Variants in MYBBP1A observed in about 807,000 individuals in gnomAD.
MYBBP1A encodes myb-binding protein 1A.
In MYBBP1A, 147 loss-of-function variants were observed where a neutral mutation model predicts 136.3. The observed-to-expected ratio is 1.08, with a 90% CI of 0.94 to 1.24. MYBBP1A has a LOEUF of 1.24. MYBBP1A is among the 50% of genes most tolerant of loss of function. The probability of loss-of-function intolerance (pLI) is 0.00; values close to 1 mark genes in which losing one functional copy is unlikely to be tolerated. For missense variants in MYBBP1A, 2,060 were observed against 1,727.4 expected (o/e 1.19, Z -3.41); for synonymous variants, 947 against 735.8 (o/e 1.29, Z -4.65).
intron 23 of MYBBP1A, 95 bp downstream of exon 23, chr17:4,541,688 TG>T: frequency 6.9e-7 from 1 of 1,440,702 alleles, no homozygotes; most frequent in Non-Finnish European, 9.7e-7. Flanking sequence ...CTCCCGACTC[TG>T]GACTCAGGCT....
At position 4,540,411 on chromosome 17, in the gene MYBBP1A, T is replaced by C. The variant is rs530548606; in HGVS notation, c.3371A>G (p.His1124Arg). Reference protein sequence around the residue: ...GQQQSLQQGAHSTGSSRLHDL... With the variant: ...GQQQSLQQGARSTGSSRLHDL... ...GTGCAGGCGGCTGGAGCCGGTGGAGTGTGCCCCCTGCTGTAGGCTCTGCTG... is the reference window on the plus strand; with the variant it reads ...GTGCAGGCGGCTGGAGCCGGTGGAGCGTGCCCCCTGCTGTAGGCTCTGCTG... Residue 1124 changes from histidine (H) to arginine (R), a missense_variant, in exon 25 of 26, where the codon CAC becomes CGC. By Grantham distance (29) the His-to-Arg change is conservative. Transcript: ENST00000254718. 11 of 1,610,362 alleles carry C rather than the reference T, an allele frequency of 6.8e-6. No individual in the cohort carries two copies. Among genetic ancestry groups the C allele is most frequent in the African/African-American group, 1.3e-5 (1 of 74,806 alleles).
intron 25 of MYBBP1A, 128 bp downstream of exon 25, chr17:4,540,220 G>A (rs541670408): frequency 3.1e-6 from 4 of 1,299,700 alleles, no homozygotes; most frequent in Non-Finnish European, 4.1e-6. Flanking sequence ...TTGAGTGCAT[G>A]TGTGTGCAGC....
chr17:4,554,921 GAT>G lies in MYBBP1A; in HGVS notation c.232_233del (p.Ile78HisfsTer26). The G allele has an allele frequency of 6.2e-7, 1 of 1,613,562 alleles. No homozygotes were observed. The highest frequency in any genetic ancestry group is 1.1e-5 in the South Asian group (1 of 91,084). ...SEMKYALKRL[I>X]TGLGVGRETA... ...TTTCTCGCCCGACCCCGAGTCCCGT[GAT>G]TAGACGCTTCAGGGCATATTTCATC... On this transcript the variant is annotated frameshift_variant, in exon 2 of 26. Transcript: ENST00000254718. LOFTEE classifies it high-confidence loss of function.
chr17:4,548,062 G>C lies in MYBBP1A; in HGVS notation c.1725-5C>G. 6.3e-7 allele frequency: 1 copy of C among 1,583,410 alleles called. No individual in the cohort carries two copies. Among genetic ancestry groups the C allele is most frequent in the Non-Finnish European group, 8.6e-7 (1 of 1,166,174 alleles). On this transcript the variant is annotated splice_polypyrimidine_tract_variant and splice_region_variant and intron_variant, in intron 12 of 25. Coordinates refer to ENST00000254718, the MANE Select transcript of MYBBP1A (RefSeq NM_014520.4). The surrounding 1 kb of genome is among the most constrained non-coding windows in gnomAD (Gnocchi z 4.2). Reference sequence around the variant, plus strand: ...TCCTTCAGAGTCTGCAGCATCCTGCGGGGAGACAGGCGATTCCCAGGCCCC... The same window carrying C: ...TCCTTCAGAGTCTGCAGCATCCTGCCGGGAGACAGGCGATTCCCAGGCCCC...
chr17:4,554,729 C>T (rs1907869814), intron 2 of MYBBP1A, 132 bp downstream of exon 2: 3 of 824,268 alleles, frequency 3.6e-6, no homozygotes, highest in Non-Finnish European at 5.7e-6. Context: ...GGTTGGCCTC[C>T]AGTCTGCTCT....
Position 4,550,277 on chromosome 17 carries a change from G to A in MYBBP1A, c.1100C>T (p.Pro367Leu), listed in dbSNP as rs746146051. The A allele has an allele frequency of 1.9e-6, 3 of 1,613,568 alleles. No individual in the cohort carries two copies. The highest frequency in any genetic ancestry group is 1.7e-6 in the Non-Finnish European group (2 of 1,180,020). Residue 367 changes from proline (P) to leucine (L), a missense_variant, in exon 9 of 26, where the codon CCT (proline) becomes CTT (leucine). Coordinates refer to ENST00000254718, the MANE Select transcript of MYBBP1A (RefSeq NM_014520.4). ...GTFLEGCQDD[P>L]ERQLAVLVAF... ...CACTAGCACGGCCAGCTGCCGCTCA[G>A]GGTCATCCTGGCACCCCTCTAGGAA...
chr17:4,539,520 C>T lies in MYBBP1A; in HGVS notation c.3882G>A (p.Ala1294=), dbSNP rs773642831. 1.9e-5 allele frequency: 30 copies of T among 1,613,978 alleles called. No homozygotes were observed. Among genetic ancestry groups the T allele is most frequent in the African/African-American group, 2.7e-5 (2 of 74,878 alleles). ...KGVLGKSPLS[A]LARKKARLSL... ...ACAGCCTTGCCTTTTTCCGTGCCAGCGCGGACAGTGGTGATTTGCCCAAGA... is the reference window on the plus strand; with the variant it reads ...ACAGCCTTGCCTTTTTCCGTGCCAGTGCGGACAGTGGTGATTTGCCCAAGA... Residue 1294 remains alanine, a synonymous_variant, in exon 26 of 26, where the codon GCG becomes GCA. Transcript: ENST00000254718.
chr17:4,545,797 C>T (rs754233232), intron 14 of MYBBP1A, 36 bp from the exon 15 acceptor site: 64 of 1,608,340 alleles, frequency 4.0e-5, no homozygotes, highest in Admixed American at 1.9e-4. Flanking sequence ...GATAGGGGAC[C>T]GCTGGCCCCA....
chr17:4,548,033 C>T lies in MYBBP1A; in HGVS notation c.1749G>A (p.Leu583=), dbSNP rs1358464273. The T allele has an allele frequency of 7.7e-6, 12 of 1,558,462 alleles. No individual in the cohort carries two copies. Among genetic ancestry groups the T allele is most frequent in the Non-Finnish European group, 1.0e-5 (12 of 1,151,958 alleles). The stretch of plus-strand genomic sequence containing the variant: ...CCCTGGCCTCTGCGGAGTGGGCCTC[C>T]AGCTCCTTCAGAGTCTGCAGCATCC... ...WDRMLQTLKE[L]EAHSAEARAA... Residue 583 remains leucine (L), a synonymous_variant, in exon 13 of 26, where the codon CTG becomes CTA. Transcript: ENST00000254718. The surrounding 1 kb of genome is among the most constrained non-coding windows in gnomAD (Gnocchi z 4.2).
In MYBBP1A at chr17:4,553,922, T is replaced by C; in HGVS notation, c.454-5A>G. Reference sequence around the variant, plus strand: ...CTTCATCAGTGCCTCCTGGTCCTGGTCCCCACAGAGGGACAGAGGGTATGA... The same window carrying C: ...CTTCATCAGTGCCTCCTGGTCCTGGCCCCCACAGAGGGACAGAGGGTATGA... On this transcript the variant is annotated splice_region_variant and splice_polypyrimidine_tract_variant and intron_variant, in intron 4 of 25. Coordinates refer to ENST00000254718, the MANE Select transcript of MYBBP1A (RefSeq NM_014520.4). 1.2e-6 allele frequency: 2 copies of C among 1,613,890 alleles called. No homozygotes were observed. The highest frequency in any genetic ancestry group is 1.7e-6 in the Non-Finnish European group (2 of 1,179,982).
rs1048345030 is a variant in MYBBP1A at position 4,544,736 on chromosome 17, C to T, written c.2481+15G>A. The T allele has an allele frequency of 2.0e-5, 30 of 1,520,704 alleles. No individual in the cohort carries two copies. Among genetic ancestry groups the T allele is most frequent in the South Asian group, 4.9e-5 (4 of 81,592 alleles). The allele number at this position is 1,520,704 out of a possible 1,614,324, so 94.2% of individuals were successfully genotyped here. A position where few individuals can be genotyped will look rare whatever the true frequency, so the allele number is the denominator to read the frequency against. On this transcript the variant is annotated intron_variant, in intron 18 of 25. Transcript: ENST00000254718. The stretch of plus-strand genomic sequence containing the variant: ...CAGGGAGGCGGGGGTGGGTGCGGCC[C>T]GCCCCCAGGCTCACCCGGATCTGGA...
In MYBBP1A at chr17:4,552,312, C is replaced by T; in HGVS notation, c.738-20G>A. The T allele has an allele frequency of 6.2e-7, 1 of 1,613,308 alleles. No individual in the cohort carries two copies. The highest frequency in any genetic ancestry group is 8.5e-7 in the Non-Finnish European group (1 of 1,179,764). On this transcript the variant is annotated intron_variant, in intron 6 of 25. Transcript: ENST00000254718. This position sits in a 1 kb window ranked among gnomAD's most constrained non-coding sequence, Gnocchi z 4.7. Reference sequence around the variant, plus strand: ...ACCAGCCTGCGGAGGGCAAGGGACTCAGGGAACACTTGCCTCACAGGCAAG... The same window carrying T: ...ACCAGCCTGCGGAGGGCAAGGGACTTAGGGAACACTTGCCTCACAGGCAAG...
At chr17:4,541,704 T>G in intron 23 of MYBBP1A, 80 bp downstream of exon 23, 1 of 1,473,954 alleles carries the variant, frequency 6.8e-7, no homozygotes, top group Admixed American at 1.7e-5. Context: ...CAGGCTCCAA[T>G]CCTCACTTCT....
intron 13 of MYBBP1A, among the ~76,000 whole-genome samples, chr17:4,546,913 T>G (rs953215623): frequency 8.3e-6 from 1 of 120,448 alleles, no homozygotes; most frequent in Non-Finnish European, 1.6e-5. Flanking sequence ...GGGCTGCACC[T>G]TTTTTTTTTT....
At position 4,554,389 on chromosome 17, in the gene MYBBP1A, TC is replaced by T. The variant is rs1907837636; in HGVS notation, c.295-112del. ...TCAACTTCTCCCAAGAAGCCTCAGG[TC>T]CCTAGTCCCACCTTCTATGTACCTT... On this transcript the variant is annotated intron_variant, in intron 2 of 25. Coordinates refer to ENST00000254718, the MANE Select transcript of MYBBP1A (RefSeq NM_014520.4). 9.4e-6 allele frequency: 8 copies of T among 852,212 alleles called. No homozygotes were observed. In the East Asian group the frequency reaches 2.0e-4, roughly 21 times the overall value. 52.8% of individuals were successfully genotyped at this position (852,212 alleles called of 1,614,324 possible). A position where few individuals can be genotyped will look rare whatever the true frequency, so the allele number is the denominator to read the frequency against.
At chr17:4,540,275 T>G in intron 25 of MYBBP1A, 73 bp downstream of exon 25, 1 of 1,369,282 alleles carries the variant, frequency 7.3e-7, no homozygotes, top group South Asian at 1.4e-5. Flanking sequence ...GTGTGCAGCG[T>G]GTGTGTGTGT....
chr17:4,540,256 CAGCAGCGTGTG>C (rs1354667915), intron 25 of MYBBP1A, 81 bp downstream of exon 25: 3 of 1,463,762 alleles, frequency 2.0e-6, no homozygotes, highest in Non-Finnish European at 1.8e-6. Context: ...TGTGCGTGTG[CAGCAGCGTGTG>C]TGCAGCGTGT....
rs773791576 is a variant in MYBBP1A at position 4,552,559 on chromosome 17, C to CT, written c.628dup (p.Ser210LysfsTer4). 1 of 1,614,016 alleles carries CT rather than the reference C, an allele frequency of 6.2e-7. No individual in the cohort carries two copies. The highest frequency in any genetic ancestry group is 8.5e-7 in the Non-Finnish European group (1 of 1,180,026). On this transcript the variant is annotated frameshift_variant, in exon 6 of 26. Transcript: ENST00000254718. LOFTEE classifies it high-confidence loss of function. This position sits in a 1 kb window ranked among gnomAD's most constrained non-coding sequence, Gnocchi z 4.7. ...GAAGAGCTCTAGCTGTTCAGGGGAGCTGAGTATTATATTCAAGTCGGCTTT... is the reference window on the plus strand; with the variant it reads ...GAAGAGCTCTAGCTGTTCAGGGGAGCTTGAGTATTATATTCAAGTCGGCTTT...
Position 4,552,593 on chromosome 17 carries a change from C to G in MYBBP1A, c.595G>C (p.Glu199Gln). 6.2e-7 allele frequency: 1 copy of G among 1,613,808 alleles called. No individual in the cohort carries two copies. The highest frequency in any genetic ancestry group is 8.5e-7 in the Non-Finnish European group (1 of 1,179,976). The change falls in exon 6 of 26, where the codon GAG (glutamate) becomes CAG (glutamine). Residue 199 changes from glutamate (E) to glutamine (Q), a missense_variant. Glu to Gln is a conservative substitution (Grantham distance 29). Coordinates refer to ENST00000254718, the MANE Select transcript of MYBBP1A (RefSeq NM_014520.4). This position sits in a 1 kb window ranked among gnomAD's most constrained non-coding sequence, Gnocchi z 4.7. ...SKATLQEILPEVLKADLNIIL... is the reference protein window; with the variant it reads ...SKATLQEILPQVLKADLNIIL... ...ATATTCAAGTCGGCTTTGAGGACCT[C>G]CGGCAGGATCTCCTGCAATGTGGCC...
Sources: gnomAD v4.1 joint callset for allele counts (sites outside exome capture counted in the v4.1 genomes callset) on GRCh38, gnomAD v4.1.1 for gene constraint, Gnocchi (gnomAD v3.1) non-coding constraint, MANE v1.5 for transcripts, NCBI Gene and HGNC (gene_info 2026-07-23, HGNC 2026-07-21) for gene names.